TRPM8: variants seen among roughly 807,000 people sequenced by gnomAD.
The protein encoded by TRPM8 is transient receptor potential cation channel subfamily M member 8.
Under a neutral mutation model 133.7 loss-of-function variants are expected in TRPM8, and 110 were observed. The ratio of observed to expected loss-of-function variants is 0.82; its 90% CI spans 0.70 to 0.96. TRPM8 has a LOEUF of 0.96. Among genes scored for constraint, TRPM8 ranks in the 40% least tolerant of loss-of-function variants. The pLI is 0.00. For synonymous variants in TRPM8, 535 were observed against 532.3 expected, an observed-to-expected ratio of 1.01 and a Z score of -0.07; for missense variants, 1,291 against 1,379.5, an observed-to-expected ratio of 0.94 and a Z score of 1.02.
intron 21 of TRPM8, among the ~76,000 whole-genome samples, chr2:233,993,691 C>T (rs1356755159): frequency 6.6e-6 from 1 of 152,208 alleles, no homozygotes; most frequent in Non-Finnish European, 1.5e-5. Flanking sequence ...CAATAAATCT[C>T]TTCCTACTTG....
Position 233,970,336 on chromosome 2 carries a change from G to T in TRPM8, c.2265G>T (p.Val755=). The part of the protein sequence containing the change: ...YIAFLLLFAY[V]LLMDFHSVPH... ...CCTTCCTCCTGCTGTTTGCCTACGTGCTGCTCATGGATTTCCATTCGGTGC... is the reference window on the plus strand; with the variant it reads ...CCTTCCTCCTGCTGTTTGCCTACGTTCTGCTCATGGATTTCCATTCGGTGC... The change falls in exon 17 of 26, where the codon GTG becomes GTT. Residue 755 remains valine, a synonymous_variant. Transcript: ENST00000324695. The T allele has an allele frequency of 6.2e-7, 1 of 1,614,128 alleles. No individual in the cohort carries two copies. Among genetic ancestry groups the T allele is most frequent in the Non-Finnish European group, 8.5e-7 (1 of 1,180,030 alleles).
chr2:233,960,140 A>G (rs1691395563), intron 11 of TRPM8, among the ~76,000 whole-genome samples: 1 of 152,188 alleles, frequency 6.6e-6, no homozygotes, highest in African/African-American at 2.4e-5. Context: ...ACAACAATCA[A>G]GTATTATTGT....
At chr2:233,961,625 CTTTTCT>C (rs1248681556) in intron 12 of TRPM8, among the ~76,000 whole-genome samples, 50 of 119,602 alleles carry the variant, frequency 4.2e-4, no homozygotes, top group Admixed American at 8.7e-4. Context: ...CTTTTCTTTT[CTTTTCT>C]TTTTTTTTTT....
chr2:234,003,923 GAC>G (rs1409858593), intron 22 of TRPM8, among the ~76,000 whole-genome samples: 2 of 152,114 alleles, frequency 1.3e-5, no homozygotes. Flanking sequence ...CCTAAATAAG[GAC>G]AAATCAGTAC....
intron 6 of TRPM8, among the ~76,000 whole-genome samples, chr2:233,944,399 C>T (rs1461066212): frequency 3.3e-5 from 5 of 152,142 alleles, no homozygotes; most frequent in Non-Finnish European, 7.4e-5. Flanking sequence ...AATTCACAGA[C>T]TCACAAAAAA....
At chr2:233,974,439 G>A (rs1248804194) in intron 17 of TRPM8, among the ~76,000 whole-genome samples, 13 of 152,170 alleles carry the variant, frequency 8.5e-5, no homozygotes, top group Admixed American at 7.9e-4. Context: ...TCACCATGTT[G>A]GCCAGGATGG....
chr2:233,923,610 G>T (rs1256300425), intron 1 of TRPM8, among the ~76,000 whole-genome samples: 1 of 152,206 alleles, frequency 6.6e-6, no homozygotes, highest in Non-Finnish European at 1.5e-5. Context: ...TTGACATGGG[G>T]TCACACGGTG....
chr2:233,970,495 G>A, intron 17 of TRPM8, 69 bp downstream of exon 17: 1 of 1,437,922 alleles, frequency 7.0e-7, no homozygotes, highest in Non-Finnish European at 9.8e-7. Flanking sequence ...AAGCCAAGAG[G>A]AATAGAAGTT....
At chr2:233,999,090 C>T (rs1371248221) in intron 22 of TRPM8, among the ~76,000 whole-genome samples, 1 of 151,042 alleles carries the variant, frequency 6.6e-6, no homozygotes, top group African/African-American at 2.5e-5. Flanking sequence ...CAAGTCACCC[C>T]GAAACTTGGT....
Sources: allele counts gnomAD v4.1 joint callset (sites outside exome capture counted in the v4.1 genomes callset), GRCh38; gene constraint gnomAD v4.1.1; transcripts MANE v1.5; gene names NCBI Gene and HGNC (gene_info 2026-07-23, HGNC 2026-07-21).